Variants in ODAD2 observed in about 807,000 individuals in gnomAD.
The protein encoded by ODAD2 is outer dynein arm-docking complex subunit 2.
In ODAD2, 89 loss-of-function variants were observed where a neutral mutation model predicts 106.8. That is an observed-to-expected ratio of 0.83 (90% CI 0.70 to 0.99). ODAD2 has a LOEUF of 0.99. Ranked by LOEUF, ODAD2 falls within the 50% of genes least tolerant of loss-of-function variation. The probability of loss-of-function intolerance (pLI) is 0.00; values close to 1 mark genes in which losing one functional copy is unlikely to be tolerated. For missense variants in ODAD2, 1,168 were observed against 1,238.5 expected (o/e 0.94, Z 0.85); for synonymous variants, 404 against 436.2 (o/e 0.93, Z 0.92).
chr10:27,940,011 G>C lies in ODAD2; in HGVS notation c.1987-4C>G, dbSNP rs1418326493. On this transcript the variant is annotated splice_polypyrimidine_tract_variant and splice_region_variant and intron_variant, in intron 13 of 19. Transcript: ENST00000305242. ...TGATTGCAGCCCGGTAGTTTTCCTA[G>C]GAATAAAAACCTACATATTTATGTG... 1 of 1,593,514 alleles carries C rather than the reference G, an allele frequency of 6.3e-7. No individual in the cohort carries two copies. The highest frequency in any genetic ancestry group is 8.6e-7 in the Non-Finnish European group (1 of 1,168,628).
At chr10:27,971,080 C>G (rs1420356323) in intron 8 of ODAD2, 28 bp downstream of exon 8, 1 of 1,521,940 alleles carries the variant, frequency 6.6e-7, no homozygotes, top group Admixed American at 1.7e-5. Context: ...AATGCTGCAT[C>G]TGAAAACAAA....
chr10:27,821,958 C>T (rs1002101449), intron 19 of ODAD2, among the ~76,000 whole-genome samples: 8 of 152,190 alleles, frequency 5.3e-5, no homozygotes, highest in South Asian at 4.1e-4. Context: ...CTAGCCCCCA[C>T]GCTTTTGAAA....
Position 27,944,211 on chromosome 10 carries a change from C to A in ODAD2, c.1743+11G>T. 6.2e-7 allele frequency: 1 copy of A among 1,605,588 alleles called. No individual in the cohort carries two copies. Among genetic ancestry groups the A allele is most frequent in the Admixed American group, 1.7e-5 (1 of 59,202 alleles). ...GCACTAGATGACGATGACAACATCA[C>A]GGCTACTCACCAGTTTGGTGATACC... is the stretch of plus-strand genomic sequence containing the variant. On this transcript the variant is annotated intron_variant, in intron 12 of 19. Transcript: ENST00000305242.
intron 16 of ODAD2, among the ~76,000 whole-genome samples, chr10:27,919,785 C>T (rs1241130813): frequency 6.6e-6 from 1 of 152,074 alleles, no homozygotes; most frequent in Non-Finnish European, 1.5e-5. Context: ...ATATGCAATA[C>T]TAATCTATAG....
chr10:27,963,546 T>C (rs1848286699), intron 9 of ODAD2, among the ~76,000 whole-genome samples: 1 of 152,216 alleles, frequency 6.6e-6, no homozygotes, highest in African/African-American at 2.4e-5. Context: ...AAGTCCACAA[T>C]ACTTTTCCTC....
intron 17 of ODAD2, among the ~76,000 whole-genome samples, chr10:27,885,509 CAAAAAAAA>C (rs781326915): frequency 0.018 from 353 of 19,798 alleles, 11 homozygotes; most frequent in East Asian, 0.055. Context: ...GACTCCATCT[CAAAAAAAA>C]AAAAAAAAAA....
At chr10:27,868,440 C>T (rs1040511624) in intron 17 of ODAD2, among the ~76,000 whole-genome samples, 3 of 152,112 alleles carry the variant, frequency 2.0e-5, no homozygotes, top group African/African-American at 7.2e-5. Context: ...AAATGCCCAT[C>T]AATGATACAC....
intron 2 of ODAD2, among the ~76,000 whole-genome samples, chr10:27,994,578 A>G (rs1850436545): frequency 6.6e-6 from 1 of 152,134 alleles, no homozygotes; most frequent in Admixed American, 6.5e-5. Flanking sequence ...AAGTATATAT[A>G]TGTGTATATA....
At chr10:27,950,932 CAA>C (rs1181510361) in intron 10 of ODAD2, among the ~76,000 whole-genome samples, 3 of 152,040 alleles carry the variant, frequency 2.0e-5, no homozygotes, top group Non-Finnish European at 4.4e-5. Context: ...AAAGTGGACA[CAA>C]GAGCAGCATT....
At chr10:27,880,185 T>C (rs984369228) in intron 17 of ODAD2, among the ~76,000 whole-genome samples, 6 of 152,214 alleles carry the variant, frequency 3.9e-5, no homozygotes, top group Non-Finnish European at 8.8e-5. Flanking sequence ...TGTCCTGCCC[T>C]TACAGGATTT....
At chr10:27,932,225 C>T (rs951380109) in intron 16 of ODAD2, among the ~76,000 whole-genome samples, 5 of 152,094 alleles carry the variant, frequency 3.3e-5, no homozygotes, top group African/African-American at 1.2e-4. Context: ...TGTAAGCCAC[C>T]ACGTCATTAG....
intron 7 of ODAD2, 90 bp downstream of exon 7, chr10:27,981,376 T>C: frequency 1.5e-6 from 2 of 1,297,546 alleles, no homozygotes; most frequent in South Asian, 2.0e-5. Flanking sequence ...TGCCCAAAAA[T>C]AGGCAAAATT....
At position 27,862,437 on chromosome 10, in the gene ODAD2, A is replaced by T; in HGVS notation, c.2796T>A (p.Asn932Lys). The T allele has an allele frequency of 6.2e-7, 1 of 1,606,088 alleles. No homozygotes were observed. The highest frequency in any genetic ancestry group is 8.5e-7 in the Non-Finnish European group (1 of 1,176,890). Residue 932 changes from asparagine (N) to lysine (K), a missense_variant, in exon 18 of 20, where the codon AAT becomes AAA. Asn to Lys is a moderately conservative substitution (Grantham distance 94). Around this residue, in one of 3 missense-constraint regions of ODAD2, gnomAD observed 701 missense variants for 712.3 expected, o/e 0.98. Transcript: ENST00000305242. ...AACAAAAAGATGTGTTACTTACTGT[A>T]TTTGCCAGTTTGGACAATAAAGGAA... ...GVVPLLSKLA[N>K]TNNNKLRHHL...
chr10:27,919,577 G>GA (rs1268729408), intron 16 of ODAD2, among the ~76,000 whole-genome samples: 2 of 152,058 alleles, frequency 1.3e-5, no homozygotes, highest in African/African-American at 2.4e-5. Context: ...TTAGTTATCA[G>GA]AAAAATGAAA....
At position 27,940,728 on chromosome 10, in the gene ODAD2, C is replaced by T. The variant is rs1459530248; in HGVS notation, c.1821G>A (p.Val607=). 1 of 1,614,126 alleles carries T rather than the reference C, an allele frequency of 6.2e-7. No homozygotes were observed. The highest frequency in any genetic ancestry group is 1.1e-5 in the South Asian group (1 of 91,084). Residue 607 remains valine, a synonymous_variant, in exon 13 of 20, where the codon GTG becomes GTA. Transcript: ENST00000305242. ...ACAGGGCCAGTGCCCCACAGCGAGC[C>T]ACTTCCACGTCTCTGGCCTCATACA... ...SSLYEARDVE[V]ARCGALALWS...
At chr10:27,907,800 G>T in intron 16 of ODAD2, 23 bp from the exon 17 acceptor site, 2 of 1,445,144 alleles carry the variant, frequency 1.4e-6, no homozygotes, top group Non-Finnish European at 1.9e-6. Context: ...CCAAAATCAT[G>T]ATATAAACTG....
chr10:27,999,486 G>A (rs1208362643), upstream of ODAD2, among the ~76,000 whole-genome samples: 1 of 152,102 alleles, frequency 6.6e-6, no homozygotes, highest in Non-Finnish European at 1.5e-5. Context: ...GATACTCACC[G>A]GGAAAGCAGA....
intron 19 of ODAD2, among the ~76,000 whole-genome samples, chr10:27,843,425 C>T (rs781228941): frequency 2.6e-5 from 4 of 152,176 alleles, no homozygotes; most frequent in Non-Finnish European, 5.9e-5. Flanking sequence ...CTGGCTGATG[C>T]AGAGTGGCTC....
intron 19 of ODAD2, chr10:27,813,474 A>G (rs985683869): frequency 6.6e-6 from 1 of 152,236 alleles, no homozygotes; most frequent in Non-Finnish European, 1.5e-5. Context: ...AATGCATAGA[A>G]GACAAACAAA....
Sources: gnomAD v4.1 joint callset for allele counts (sites outside exome capture counted in the v4.1 genomes callset) on GRCh38, gnomAD v4.1.1 for gene constraint, gnomAD v4.1.1 regional missense constraint, MANE v1.5 for transcripts, NCBI Gene and HGNC (gene_info 2026-07-23, HGNC 2026-07-21) for gene names.